The following PPP2R2B variants were observed in gnomAD, a reference collection of about 807,000 sequenced individuals.
PPP2R2B encodes serine/threonine-protein phosphatase 2A 55 kDa regulatory subunit B beta isoform.
Under a neutral mutation model 46.0 loss-of-function variants are expected in PPP2R2B, and 5 were observed. The observed-to-expected ratio is 0.11, with a 90% CI of 0.06 to 0.23. The LOEUF (loss-of-function observed/expected upper bound fraction) is 0.23. PPP2R2B is among the 10% of genes least tolerant of loss of function. PPP2R2B has a pLI of 1.00. For synonymous variants in PPP2R2B, 215 were observed against 206.7 expected (o/e 1.04, Z -0.34); for missense variants, 367 against 575.0 (o/e 0.64, Z 3.70).
intron 2 of PPP2R2B, among the ~76,000 whole-genome samples, chr5:146,718,177 A>G (rs1244475841): frequency 1.3e-5 from 2 of 152,094 alleles, no homozygotes; most frequent in Admixed American, 1.3e-4. Context: ...CATAGTAGAC[A>G]TGCAAGCATT....
At chr5:146,816,516 G>A (rs1757942763) in intron 2 of PPP2R2B, among the ~76,000 whole-genome samples, 2 of 152,108 alleles carry the variant, frequency 1.3e-5, no homozygotes, top group South Asian at 4.1e-4. Flanking sequence ...TTATGCTAAA[G>A]AGCATAGAAA....
intron 1 of PPP2R2B, among the ~76,000 whole-genome samples, chr5:147,010,845 A>G (rs189002164): frequency 6.6e-6 from 1 of 152,062 alleles, no homozygotes; most frequent in African/African-American, 2.4e-5. Context: ...GCCACTCCCA[A>G]CCTACTCTAC....
intron 7 of PPP2R2B, among the ~76,000 whole-genome samples, chr5:146,613,757 CA>C (rs1293106352): frequency 7.1e-6 from 1 of 140,322 alleles, no homozygotes; most frequent in Non-Finnish European, 1.5e-5. Context: ...ACAATTGCTT[CA>C]AAGAGAATAA....
chr5:146,690,347 T>C (rs10038136), intron 5 of PPP2R2B, among the ~76,000 whole-genome samples: 28,038 of 152,178 alleles, frequency 0.18, 4,131 homozygotes, highest in African/African-American at 0.4. Flanking sequence ...GCCACTTTCC[T>C]ATGAGAACTT....
In PPP2R2B at chr5:146,878,707, A is replaced by G. The variant is rs964633810; in HGVS notation, c.-241T>C. The G allele has an allele frequency of 2.7e-5, 33 of 1,227,740 alleles. No homozygotes were observed. Among genetic ancestry groups the G allele is most frequent in the Non-Finnish European group, 3.4e-5 (33 of 963,090 alleles). 76.1% of individuals were successfully genotyped at this position (1,227,740 alleles called of 1,614,324 possible). A position where few individuals can be genotyped will look rare whatever the true frequency, so the allele number is the denominator to read the frequency against. On this transcript the variant is annotated 5_prime_UTR_variant, in exon 1 of 10. Transcript: ENST00000394411. This position sits in a 1 kb window ranked among gnomAD's most constrained non-coding sequence, Gnocchi z 4.5. ...CCGGCGCCAGCGCACTCACCCTCAC[A>G]CCCACACGCGCGCACTCGCAGCTGC...
intron 4 of PPP2R2B, 120 bp downstream of exon 4, chr5:146,697,859 T>C: frequency 1.0e-6 from 1 of 964,042 alleles, no homozygotes. Flanking sequence ...ATCTTGCAAA[T>C]GTTATTTCTA....
At position 146,840,338 on chromosome 5, in the gene PPP2R2B, C is replaced by T. The variant is rs538882300; in HGVS notation, c.70+37664G>A. On this transcript the variant is annotated intron_variant, in intron 2 of 9. Coordinates refer to ENST00000394411, the MANE Select transcript of PPP2R2B (RefSeq NM_181675.4). The stretch of plus-strand genomic sequence containing the variant: ...CCCCTTGGAATCTTTTTTTTTACAT[C>T]GAAAAGAAAATATAATACTATATGC... Among the ~76,000 whole-genome samples the T allele has an allele frequency of 5.3e-5, 8 of 151,772 alleles. No homozygotes were observed. The East Asian group carries it at 7.7e-4, about 15-fold the overall frequency.
At chr5:146,725,427 C>T (rs534344858) in intron 2 of PPP2R2B, among the ~76,000 whole-genome samples, 1 of 152,224 alleles carries the variant, frequency 6.6e-6, no homozygotes, top group South Asian at 2.1e-4. Flanking sequence ...AATAACCAGC[C>T]ATAGGGAAAT....
chr5:146,960,615 A>G (rs1450060931), intron 1 of PPP2R2B, among the ~76,000 whole-genome samples: 3 of 152,170 alleles, frequency 2.0e-5, no homozygotes, highest in African/African-American at 7.2e-5. Context: ...AAGCACAGTA[A>G]TTAGAATGGA....
At chr5:146,771,361 T>G (rs1425168122) in intron 2 of PPP2R2B, among the ~76,000 whole-genome samples, 1 of 152,110 alleles carries the variant, frequency 6.6e-6, no homozygotes, top group African/African-American at 2.4e-5. Flanking sequence ...ACACAATAAA[T>G]CCCTTGCGAA....
At chr5:146,993,819 A>T (rs1244798082) in intron 1 of PPP2R2B, among the ~76,000 whole-genome samples, 5 of 151,614 alleles carry the variant, frequency 3.3e-5, no homozygotes, top group South Asian at 4.2e-4. Context: ...TTTTTTTTTT[A>T]AATAAATGTA....
At chr5:146,978,369 G>A (rs1005195897) in intron 1 of PPP2R2B, among the ~76,000 whole-genome samples, 27 of 152,042 alleles carry the variant, frequency 1.8e-4, no homozygotes, top group African/African-American at 6.5e-4. Flanking sequence ...AAGCTCTTTA[G>A]GTTAATTAGA....
chr5:146,875,528 T>C (rs1761847213), intron 2 of PPP2R2B, among the ~76,000 whole-genome samples: 1 of 152,098 alleles, frequency 6.6e-6, no homozygotes, highest in Admixed American at 6.5e-5. Context: ...TCACACTAAC[T>C]ACACAGCAAA....
chr5:147,029,734 G>C (rs559490156), intron 1 of PPP2R2B, among the ~76,000 whole-genome samples: 83 of 152,274 alleles, frequency 5.5e-4, no homozygotes, highest in African/African-American at 1.8e-3. Context: ...AAGACACCAA[G>C]AGTGGGCACG....
At chr5:146,953,312 A>G (rs1561538475) in intron 1 of PPP2R2B, among the ~76,000 whole-genome samples, 1 of 152,284 alleles carries the variant, frequency 6.6e-6, no homozygotes, top group South Asian at 2.1e-4. Context: ...TGCAATTTAT[A>G]ATATGTCTGA....
chr5:146,739,842 G>T (rs957771483), intron 2 of PPP2R2B, among the ~76,000 whole-genome samples: 9 of 152,132 alleles, frequency 5.9e-5, no homozygotes, highest in African/African-American at 1.9e-4. Flanking sequence ...CATACTTGAT[G>T]CTTAATACTT....
intron 1 of PPP2R2B, among the ~76,000 whole-genome samples, chr5:146,927,736 T>C (rs989626389): frequency 3.3e-5 from 5 of 151,292 alleles, no homozygotes; most frequent in East Asian, 3.9e-4. Context: ...CATACTTTCT[T>C]CTTTTTTTTT....
At chr5:146,865,737 T>A (rs2151401151) in intron 2 of PPP2R2B, among the ~76,000 whole-genome samples, 1 of 152,250 alleles carries the variant, frequency 6.6e-6, no homozygotes, top group East Asian at 1.9e-4. Context: ...TTCCATTACA[T>A]CTCTAATCTC....
intron 2 of PPP2R2B, among the ~76,000 whole-genome samples, chr5:146,761,212 C>T (rs1432994373): frequency 1.3e-5 from 2 of 152,178 alleles, no homozygotes; most frequent in African/African-American, 4.8e-5. Flanking sequence ...GACACATGCA[C>T]ATGTATGTTT....
Sources: gnomAD v4.1 joint callset for allele counts (sites outside exome capture counted in the v4.1 genomes callset) on GRCh38, gnomAD v4.1.1 for gene constraint, Gnocchi (gnomAD v3.1) non-coding constraint, MANE v1.5 for transcripts, NCBI Gene and HGNC (gene_info 2026-07-23, HGNC 2026-07-21) for gene names.